Variants in REC114 observed in about 807,000 individuals in gnomAD.
The protein encoded by REC114 is meiotic recombination protein REC114.
In REC114, 27 loss-of-function variants were observed where a neutral mutation model predicts 31.3. The observed-to-expected ratio is 0.86, with a 90% CI of 0.64 to 1.19. The LOEUF (loss-of-function observed/expected upper bound fraction) is 1.19, where lower values mean the gene tolerates loss of function less well. Ranked by LOEUF, REC114 falls within the 50% of genes most tolerant of loss-of-function variation. The probability of loss-of-function intolerance (pLI) is 0.00; values close to 1 mark genes in which losing one functional copy is unlikely to be tolerated. For missense variants in REC114, 344 were observed against 326.9 expected (o/e 1.05, Z -0.40); for synonymous variants, 134 against 127.7 (o/e 1.05, Z -0.33).
chr15:73,511,258 T>C (rs1893762805), intron 2 of REC114, among the ~76,000 whole-genome samples: 1 of 152,160 alleles, frequency 6.6e-6, no homozygotes, highest in Non-Finnish European at 1.5e-5. Flanking sequence ...TCTCTGATGG[T>C]AGTTTGTATT....
intron 4 of REC114, among the ~76,000 whole-genome samples, chr15:73,554,659 T>C (rs1894438274): frequency 6.6e-6 from 1 of 152,158 alleles, no homozygotes; most frequent in Non-Finnish European, 1.5e-5. Context: ...GTGGACTCTT[T>C]CCTGTTAGCA....
Position 73,556,333 on chromosome 15 carries a change from G to A in REC114, c.578G>A (p.Cys193Tyr). Residue 193 changes from cysteine to tyrosine, a missense_variant, in exon 5 of 6, where the codon TGT becomes TAT. Transcript: ENST00000331090. ...CAGCACTCAGAACAACAGCAAGTGT[G>A]TGTAACAGCGGGCACAGGCGCTCCA... is the stretch of plus-strand genomic sequence containing the variant. ...SHQHSEQQQV[C>Y]VTAGTGAPDG... 1 of 1,613,822 alleles carries A rather than the reference G, an allele frequency of 6.2e-7. No homozygotes were observed.
intron 2 of REC114, among the ~76,000 whole-genome samples, chr15:73,537,521 C>T (rs998283362): frequency 1.3e-5 from 2 of 152,272 alleles, no homozygotes; most frequent in African/African-American, 2.4e-5. Flanking sequence ...ACAGTGGTCT[C>T]CTTGCAGGTT....
chr15:73,556,248 G>T, intron 4 of REC114, 54 bp from the exon 5 acceptor site: 1 of 1,453,954 alleles, frequency 6.9e-7, no homozygotes. Context: ...AATGGCCTTT[G>T]GTATTTAAGA....
At chr15:73,445,804 A>G (rs906678920) in intron 1 of REC114, among the ~76,000 whole-genome samples, 2 of 152,198 alleles carry the variant, frequency 1.3e-5, no homozygotes, top group African/African-American at 4.8e-5. Context: ...AACAATTACA[A>G]TAGTAACATC....
intron 1 of REC114, among the ~76,000 whole-genome samples, chr15:73,465,767 CAAAT>C (rs927180989): frequency 5.9e-5 from 9 of 152,066 alleles, no homozygotes; most frequent in Middle Eastern, 6.8e-3. Context: ...ATAATTATGC[CAAAT>C]AAATAGGAAA....
chr15:73,460,229 G>T (rs1426065541), intron 1 of REC114, among the ~76,000 whole-genome samples: 1 of 152,164 alleles, frequency 6.6e-6, no homozygotes, highest in East Asian at 1.9e-4. Flanking sequence ...ATTTAAGGTA[G>T]AATTTATTTG....
rs1315298927 is a variant in REC114 at position 73,489,735 on chromosome 15, A to G, written c.249+15814A>G. On this transcript the variant is annotated intron_variant, in intron 2 of 5. Coordinates refer to ENST00000331090, the MANE Select transcript of REC114 (RefSeq NM_001042367.2). Reference sequence around the variant, plus strand: ...GAGGGGAGAGTCTGTGCACTCTTACATGGCTACTCCAGAAAAAAAAAAAAC... The same window carrying G: ...GAGGGGAGAGTCTGTGCACTCTTACGTGGCTACTCCAGAAAAAAAAAAAAC... Among the ~76,000 whole-genome samples the G allele has an allele frequency of 6.0e-5, 9 of 151,258 alleles. No homozygotes were observed. The South Asian group carries it at 1.7e-3, about 28-fold the overall frequency.
chr15:73,528,591 G>A lies in REC114; in HGVS notation c.250-11894G>A, dbSNP rs376815267. Among the ~76,000 whole-genome samples the A allele has an allele frequency of 4.6e-5, 7 of 152,312 alleles. No individual in the cohort carries two copies. The East Asian group carries it at 7.7e-4, about 17-fold the overall frequency. The stretch of plus-strand genomic sequence containing the variant: ...CACATCTGGCCCATTGCCTGTTTTT[G>A]TATGGCTTTTGAGCCAAGAATAGTT... On this transcript the variant is annotated intron_variant, in intron 2 of 5. Transcript: ENST00000331090.
chr15:73,523,808 T>C (rs1165745718), intron 2 of REC114, among the ~76,000 whole-genome samples: 4 of 152,172 alleles, frequency 2.6e-5, no homozygotes, highest in African/African-American at 9.7e-5. Flanking sequence ...TTTTAGAAAT[T>C]TTATAGTTTC....
intron 1 of REC114, among the ~76,000 whole-genome samples, chr15:73,462,884 C>CAAAAAAAAAAAAAAAAAAAAAAAAAAAA (rs769569268): frequency 3.6e-5 from 2 of 55,652 alleles, no homozygotes; most frequent in East Asian, 5.4e-4. Context: ...GACTCCGTCT[C>CAAAAAAAAAAAAAAAAAAAAAAAAAAAA]AAAAAAAAAA....
intron 1 of REC114, among the ~76,000 whole-genome samples, chr15:73,457,231 T>C (rs1158028644): frequency 6.6e-6 from 1 of 152,134 alleles, no homozygotes; most frequent in Non-Finnish European, 1.5e-5. Flanking sequence ...ATGTAAATTG[T>C]TTTCTCTACT....
rs894288588 is a variant in REC114, at chr15:73,559,963, T to A, written c.*47T>A. ...TAAGGAACTTCAAAGTATTGAAAAA[T>A]GCTTCCTCCTAAAATTAAAGAAGAT... On this transcript the variant is annotated 3_prime_UTR_variant, in exon 6 of 6. Transcript: ENST00000331090. 2.1e-6 allele frequency: 3 copies of A among 1,436,670 alleles called. No homozygotes were observed. The highest frequency in any genetic ancestry group is 1.4e-5 in the South Asian group (1 of 71,906). The allele number at this position is 1,436,670 out of a possible 1,614,324, so 89.0% of individuals were successfully genotyped here.
chr15:73,452,001 T>C (rs1341593739), intron 1 of REC114, among the ~76,000 whole-genome samples: 1 of 152,200 alleles, frequency 6.6e-6, no homozygotes, highest in Admixed American at 6.5e-5. Context: ...ATAAGGGCTA[T>C]TTATGATAAA....
At chr15:73,532,656 C>T (rs368848907) in intron 2 of REC114, among the ~76,000 whole-genome samples, 1 of 152,214 alleles carries the variant, frequency 6.6e-6, no homozygotes, top group East Asian at 1.9e-4. Flanking sequence ...GCAAGGCAGG[C>T]CAACGTTCAG....
chr15:73,526,970 C>T (rs899850241), intron 2 of REC114, among the ~76,000 whole-genome samples: 4 of 151,850 alleles, frequency 2.6e-5, no homozygotes, highest in African/African-American at 7.3e-5. Context: ...TTTAGCAATA[C>T]TCCTGATGTA....
At position 73,516,765 on chromosome 15, in the gene REC114, T is replaced by C. The variant is rs188828909; in HGVS notation, c.250-23720T>C. 6.0e-4 allele frequency among the ~76,000 whole-genome samples: 91 copies of C among 152,290 alleles called. No homozygotes were observed. The South Asian group carries it at 0.012, about 20-fold the overall frequency. On this transcript the variant is annotated intron_variant, in intron 2 of 5. Coordinates refer to ENST00000331090, the MANE Select transcript of REC114 (RefSeq NM_001042367.2). ...GCCTCAGCCTCCCGAGTAGCTGAGA[T>C]TACAGGCTCCTGCCACCATGCCAGG...
chr15:73,522,368 T>A (rs1893948050), intron 2 of REC114, among the ~76,000 whole-genome samples: 1 of 152,220 alleles, frequency 6.6e-6, no homozygotes, highest in African/African-American at 2.4e-5. Flanking sequence ...AGATATAATT[T>A]ACATGCAACG....
chr15:73,522,176 C>T (rs1893945650), intron 2 of REC114, among the ~76,000 whole-genome samples: 1 of 152,132 alleles, frequency 6.6e-6, no homozygotes, highest in Non-Finnish European at 1.5e-5. Context: ...ACTCCTTCAG[C>T]CATATATGGA....
Sources: gnomAD v4.1 joint callset for allele counts (sites outside exome capture counted in the v4.1 genomes callset) on GRCh38, gnomAD v4.1.1 for gene constraint, MANE v1.5 for transcripts, NCBI Gene and HGNC (gene_info 2026-07-23, HGNC 2026-07-21) for gene names.